Variants in ERC1 observed in about 807,000 individuals in gnomAD.
The protein encoded by ERC1 is ELKS/RAB6-interacting/CAST family member 1.
ERC1 carries 56 observed loss-of-function variants against 132.0 expected under a neutral mutation model. The ratio of observed to expected loss-of-function variants is 0.42; its 90% CI spans 0.34 to 0.53. ERC1 has a LOEUF of 0.53. Ranked by LOEUF, ERC1 falls within the 20% of genes least tolerant of loss-of-function variation. The pLI is 0.03. For synonymous variants in ERC1, 478 were observed against 476.1 expected (o/e 1.00, Z -0.05); for missense variants, 1,202 against 1,349.9 (o/e 0.89, Z 1.72).
chr12:1,225,997 C>T (rs1270807719), intron 12 of ERC1, among the ~76,000 whole-genome samples: 1 of 152,060 alleles, frequency 6.6e-6, no homozygotes, highest in Non-Finnish European at 1.5e-5. Context: ...AGCCAGTCTG[C>T]TTTTTCCATT....
Position 1,485,362 on chromosome 12 carries a change from G to A in ERC1, c.3214-4731G>A, listed in dbSNP as rs187971725. ...TGGGATTATAGGCGCCCGCCACCAC[G>A]CCTGGCTAGTTTTTGTATTTTTAGT... On this transcript the variant is annotated intron_variant, in intron 18 of 18. Transcript: ENST00000360905. Among the ~76,000 whole-genome samples, 157 of 151,112 alleles carry A rather than the reference G, an allele frequency of 1.0e-3. 1 individual carries two copies. The highest frequency in any genetic ancestry group is 2.0e-3 in the Admixed American group (30 of 15,232).
intron 18 of ERC1, among the ~76,000 whole-genome samples, chr12:1,464,932 T>A (rs1031650579): frequency 6.6e-6 from 1 of 152,032 alleles, no homozygotes; most frequent in Non-Finnish European, 1.5e-5. Flanking sequence ...TATAAAAATA[T>A]TTTATAAAAA....
intron 15 of ERC1, among the ~76,000 whole-genome samples, chr12:1,330,362 TTTA>T (rs2082772642): frequency 6.6e-6 from 1 of 152,200 alleles, no homozygotes; most frequent in African/African-American, 2.4e-5. Context: ...AATGTTATTT[TTTA>T]TTGACTCCTT....
rs1942547911 is a variant in ERC1 at position 1,083,650 on chromosome 12, G to T, written c.1086+70G>T. The T allele has an allele frequency of 3.2e-6, 4 of 1,244,114 alleles. No homozygotes were observed. In the Admixed American group the frequency reaches 9.0e-5, roughly 28 times the overall value. 77.1% of individuals were successfully genotyped at this position (1,244,114 alleles called of 1,614,324 possible). ...TTTTTCACTGATTAATCAGCATCTT[G>T]GCCCCAGTGAATCTACGTGCTCTGC... On this transcript the variant is annotated intron_variant, in intron 3 of 18. Coordinates refer to ENST00000360905, the MANE Select transcript of ERC1 (RefSeq NM_178040.4).
intron 12 of ERC1, among the ~76,000 whole-genome samples, chr12:1,215,312 T>A (rs547882778): frequency 4.6e-5 from 7 of 152,190 alleles, no homozygotes; most frequent in South Asian, 4.1e-4. Context: ...AAACTTTTTT[T>A]AAAAAGTAAT....
chr12:1,067,280 C>T (rs1465507805), intron 2 of ERC1, among the ~76,000 whole-genome samples: 1 of 152,080 alleles, frequency 6.6e-6, no homozygotes, highest in Non-Finnish European at 1.5e-5. Context: ...TTCTGCTATC[C>T]GATGAAAAGC....
At chr12:1,320,532 C>G (rs1248357914) in intron 15 of ERC1, among the ~76,000 whole-genome samples, 3 of 152,192 alleles carry the variant, frequency 2.0e-5, no homozygotes, top group Non-Finnish European at 4.4e-5. Context: ...TTTGCCATTA[C>G]ATTCAATGCT....
chr12:1,446,117 A>C (rs2093297297), intron 18 of ERC1, among the ~76,000 whole-genome samples: 2 of 151,646 alleles, frequency 1.3e-5, no homozygotes, highest in Admixed American at 1.3e-4. Context: ...CATCTATAGT[A>C]CTCCCTAGAC....
intron 16 of ERC1, among the ~76,000 whole-genome samples, chr12:1,375,015 G>A (rs974819412): frequency 9.2e-5 from 14 of 151,958 alleles, no homozygotes; most frequent in Non-Finnish European, 1.9e-4. Flanking sequence ...TAGGCGTGAG[G>A]GATACAAAAG....
chr12:1,237,652 C>T (rs1053758632), intron 13 of ERC1, among the ~76,000 whole-genome samples: 7 of 152,340 alleles, frequency 4.6e-5, no homozygotes, highest in Admixed American at 6.5e-5. Context: ...GTGTTACTTA[C>T]GTAAATGCAC....
intron 2 of ERC1, among the ~76,000 whole-genome samples, chr12:1,052,395 G>A (rs1032290167): frequency 2.0e-5 from 3 of 152,088 alleles, no homozygotes; most frequent in Admixed American, 6.6e-5. Context: ...ATGGGTGTGT[G>A]GATAAATATT....
chr12:1,138,325 GTATATAATATATGTTATATAA>G (rs1265502562), intron 7 of ERC1, among the ~76,000 whole-genome samples: 7 of 123,772 alleles, frequency 5.7e-5, no homozygotes, highest in African/African-American at 1.2e-4. Flanking sequence ...TACATATGTT[GTATATAATATATGTTATATAA>G]TATATAATAT....
At chr12:1,469,960 C>T (rs953593170) in intron 18 of ERC1, among the ~76,000 whole-genome samples, 1 of 150,904 alleles carries the variant, frequency 6.6e-6, no homozygotes, top group Non-Finnish European at 1.5e-5. Flanking sequence ...CGGGGTCACT[C>T]AGAGCAGCCC....
At chr12:1,421,985 C>T (rs995404147) in intron 17 of ERC1, among the ~76,000 whole-genome samples, 5 of 152,154 alleles carry the variant, frequency 3.3e-5, no homozygotes, top group Non-Finnish European at 7.4e-5. Flanking sequence ...GAGATCATGC[C>T]ATTGCACTCC....
At chr12:1,242,168 A>G (rs2075853937) in intron 13 of ERC1, among the ~76,000 whole-genome samples, 2 of 152,108 alleles carry the variant, frequency 1.3e-5, no homozygotes, top group South Asian at 4.1e-4. Flanking sequence ...CTTTGTTTAC[A>G]AAGTCAGTAG....
chr12:1,230,883 T>TA (rs1225419810), intron 12 of ERC1, among the ~76,000 whole-genome samples: 5 of 152,340 alleles, frequency 3.3e-5, no homozygotes, highest in Non-Finnish European at 2.9e-5. Flanking sequence ...AGCCCATTTC[T>TA]ATTCTTTTTT....
intron 1 of ERC1, among the ~76,000 whole-genome samples, chr12:1,022,570 C>T (rs1215238251): frequency 1.3e-5 from 2 of 152,080 alleles, no homozygotes; most frequent in Non-Finnish European, 2.9e-5. Flanking sequence ...ATTGTAGTTC[C>T]CATAATCCCT....
At chr12:1,083,929 G>A (rs1427109408) in intron 3 of ERC1, among the ~76,000 whole-genome samples, 1 of 152,172 alleles carries the variant, frequency 6.6e-6, no homozygotes, top group Non-Finnish European at 1.5e-5. Context: ...AATCAGAATA[G>A]CTAACCATTG....
chr12:1,329,525 C>T (rs539520886), intron 15 of ERC1, among the ~76,000 whole-genome samples: 168 of 151,684 alleles, frequency 1.1e-3, no homozygotes, highest in African/African-American at 2.0e-3. Context: ...GAAAGCCTCA[C>T]GAGCAGCCTG....
Sources: allele counts gnomAD v4.1 joint callset (sites outside exome capture counted in the v4.1 genomes callset), GRCh38; gene constraint gnomAD v4.1.1; transcripts MANE v1.5; gene names NCBI Gene and HGNC (gene_info 2026-07-23, HGNC 2026-07-21).